NUP205: variants seen among roughly 807,000 people sequenced by gnomAD.
NUP205 encodes nucleoporin 205.
A neutral mutation model predicts 253.8 loss-of-function variants in NUP205; 76 were observed. That is an observed-to-expected ratio of 0.30 (90% CI 0.25 to 0.36). The LOEUF is 0.36. Among genes scored for constraint, NUP205 ranks in the 10% least tolerant of loss-of-function variants. The probability of loss-of-function intolerance (pLI) is 1.00; values close to 1 mark genes in which losing one functional copy is unlikely to be tolerated. For missense variants in NUP205, 2,162 were observed against 2,425.5 expected, an observed-to-expected ratio of 0.89 and a Z score of 2.28; for synonymous variants, 832 against 850.1, an observed-to-expected ratio of 0.98 and a Z score of 0.37.
intron 8 of NUP205, among the ~76,000 whole-genome samples, chr7:135,585,293 C>T (rs1226234754): frequency 6.6e-6 from 1 of 152,070 alleles, no homozygotes; most frequent in Non-Finnish European, 1.5e-5. Flanking sequence ...GTTCTATGTA[C>T]ACCTGAAGGG....
chr7:135,562,760 T>C (rs188236515), intron 1 of NUP205, among the ~76,000 whole-genome samples: 93 of 152,036 alleles, frequency 6.1e-4, no homozygotes, highest in Non-Finnish European at 9.6e-4. Flanking sequence ...TTGGCCAGGA[T>C]GGTCTTGATC....
In NUP205 at chr7:135,626,246, C is replaced by G. The variant is rs1438605441; in HGVS notation, c.4678C>G (p.Leu1560Val). 1.2e-6 allele frequency: 2 copies of G among 1,614,118 alleles called. No individual in the cohort carries two copies. Among genetic ancestry groups the G allele is most frequent in the Admixed American group, 3.3e-5 (2 of 60,010 alleles). Residue 1560 changes from leucine (L) to valine (V), a missense_variant, in exon 33 of 43, where the codon CTC (leucine) becomes GTC (valine). Around this residue, in one of 5 missense-constraint regions of NUP205, gnomAD observed 1,144 missense variants for 1,280.9 expected, o/e 0.89. Coordinates refer to ENST00000285968, the MANE Select transcript of NUP205 (RefSeq NM_015135.3). Reference protein sequence around the residue: ...LYTYESKMAFLTRVAKIQQGA... With the variant: ...LYTYESKMAFVTRVAKIQQGA... ...TTCTCTTGTAACTCCTCAGGCATTT[C>G]TCACAAGAGTGGCAAAGATACAGCA...
intron 5 of NUP205, 69 bp downstream of exon 5, chr7:135,577,197 A>G: frequency 7.0e-7 from 1 of 1,433,194 alleles, no homozygotes; most frequent in South Asian, 1.3e-5. Context: ...TGACAATTAG[A>G]ATGTTCATTT....
At chr7:135,585,040 A>G (rs1806419283) in intron 8 of NUP205, 33 bp downstream of exon 8, 2 of 1,157,572 alleles carry the variant, frequency 1.7e-6, no homozygotes, top group East Asian at 5.7e-5. Flanking sequence ...AGTAAATAGT[A>G]GAAGAATTTT....
Position 135,644,897 on chromosome 7 carries a change from G to A in NUP205, c.5562G>A (p.Leu1854=), listed in dbSNP as rs1794977817. ...AATACCACATTTGTTTCTTCTAGTTGTGTCAGTCTGTGATGCCTGCTGGTG... is the reference window on the plus strand; with the variant it reads ...AATACCACATTTGTTTCTTCTAGTTATGTCAGTCTGTGATGCCTGCTGGTG... ...EQLPPDEIKE[L]CQSVMPAGVD... is the part of the protein sequence containing the mutation. Residue 1854 remains leucine, a splice_region_variant and synonymous_variant, in exon 40 of 43, where the codon TTG becomes TTA. Transcript: ENST00000285968. The A allele has an allele frequency of 3.1e-6, 5 of 1,613,438 alleles. No individual in the cohort carries two copies. The highest frequency in any genetic ancestry group is 8.5e-7 in the Non-Finnish European group (1 of 1,179,792).
chr7:135,598,271 A>T, intron 15 of NUP205, 64 bp downstream of exon 15: 5 of 1,373,258 alleles, frequency 3.6e-6, no homozygotes, highest in Non-Finnish European at 4.1e-6. Context: ...TATCAAAAGT[A>T]TATGGTGCTA....
intron 35 of NUP205, among the ~76,000 whole-genome samples, chr7:135,634,950 G>A (rs973422687): frequency 9.2e-5 from 14 of 152,284 alleles, no homozygotes; most frequent in Admixed American, 9.2e-4. Context: ...AAATTTGAGT[G>A]GCTAGGATAG....
chr7:135,643,739 A>G (rs904372108), intron 39 of NUP205, among the ~76,000 whole-genome samples: 42 of 152,216 alleles, frequency 2.8e-4, no homozygotes, highest in Non-Finnish European at 5.0e-4. Context: ...TCTTTCAAAC[A>G]AATGGGATAG....
chr7:135,628,065 T>G lies in NUP205; in HGVS notation c.4886T>G (p.Val1629Gly). The G allele has an allele frequency of 1.2e-6, 2 of 1,610,776 alleles. No homozygotes were observed. The highest frequency in any genetic ancestry group is 1.7e-6 in the Non-Finnish European group (2 of 1,179,424). Residue 1629 changes from valine to glycine, a missense_variant, in exon 34 of 43, where the codon GTC becomes GGC. Around this residue, in one of 5 missense-constraint regions of NUP205, gnomAD observed 1,144 missense variants for 1,280.9 expected, o/e 0.89. Transcript: ENST00000285968. ...ILLPALQLCQ[V>G]ILTSSMAQHL... ...CTCCCAGCTCTCCAGCTGTGCCAGGTCATCCTCACATCTAGTATGGCCCAG... is the reference window on the plus strand; with the variant it reads ...CTCCCAGCTCTCCAGCTGTGCCAGGGCATCCTCACATCTAGTATGGCCCAG...
intron 3 of NUP205, among the ~76,000 whole-genome samples, chr7:135,574,958 A>G (rs1180685889): frequency 3.9e-5 from 6 of 152,222 alleles, no homozygotes; most frequent in African/African-American, 1.4e-4. Context: ...GATATTGAGA[A>G]TGAGGGGGAT....
chr7:135,558,389 C>T (rs573448500), intron 1 of NUP205, among the ~76,000 whole-genome samples: 1 of 152,302 alleles, frequency 6.6e-6, no homozygotes, highest in African/African-American at 2.4e-5. Flanking sequence ...GTCGGAGTTC[C>T]TTATAGGGTG....
intron 21 of NUP205, 103 bp from the exon 22 acceptor site, chr7:135,607,144 A>T (rs1794103247): frequency 7.2e-7 from 1 of 1,384,078 alleles, no homozygotes; most frequent in Non-Finnish European, 9.9e-7. Flanking sequence ...GAGTGTTTAC[A>T]GTACAGCATA....
intron 3 of NUP205, among the ~76,000 whole-genome samples, chr7:135,574,092 C>G (rs1010786999): frequency 6.6e-6 from 1 of 152,018 alleles, no homozygotes; most frequent in Admixed American, 6.6e-5. Flanking sequence ...CATGTCTCAG[C>G]CTCCCGAGTA....
chr7:135,568,475 G>A (rs1437986790), intron 1 of NUP205, among the ~76,000 whole-genome samples: 1 of 151,534 alleles, frequency 6.6e-6, no homozygotes, highest in Non-Finnish European at 1.5e-5. Context: ...GGGATTACAG[G>A]TGTGCGCCAC....
intron 24 of NUP205, among the ~76,000 whole-genome samples, chr7:135,616,442 G>C (rs932246825): frequency 6.6e-6 from 1 of 152,042 alleles, no homozygotes; most frequent in Non-Finnish European, 1.5e-5. Flanking sequence ...CTTTACAATT[G>C]TGCAGTGGAT....
intron 27 of NUP205, 98 bp from the exon 28 acceptor site, chr7:135,618,314 C>A: frequency 1.1e-6 from 1 of 933,360 alleles, no homozygotes; most frequent in Non-Finnish European, 1.7e-6. Flanking sequence ...TCCTGGCATG[C>A]ATGTAGTAGG....
rs536460105 is a variant in NUP205 at position 135,607,005 on chromosome 7, C to T, written c.3070+90C>T. On this transcript the variant is annotated intron_variant, in intron 21 of 42. Coordinates refer to ENST00000285968, the MANE Select transcript of NUP205 (RefSeq NM_015135.3). ...TGCATTCTGGGCTCATGGGATAATT[C>T]ATTGAAAGAAAAAGTGTAAGAAAGG... 6.5e-5 allele frequency: 87 copies of T among 1,345,902 alleles called. 1 individual carries two copies. The South Asian group carries it at 8.7e-4, about 13-fold the overall frequency. 83.4% of individuals were successfully genotyped at this position (1,345,902 alleles called of 1,614,324 possible).
At chr7:135,592,174 G>A (rs1806646342) in intron 11 of NUP205, among the ~76,000 whole-genome samples, 1 of 152,166 alleles carries the variant, frequency 6.6e-6, no homozygotes, top group South Asian at 2.1e-4. Flanking sequence ...AGCTGAAATC[G>A]GCTTGGCTCC....
At chr7:135,591,934 A>AT (rs1383853621) in intron 11 of NUP205, among the ~76,000 whole-genome samples, 274 of 151,566 alleles carry the variant, frequency 1.8e-3, no homozygotes, top group African/African-American at 5.2e-3. Flanking sequence ...TTATCTTCGT[A>AT]TTTTTTTTTC....
Sources: gnomAD v4.1 joint callset for allele counts (sites outside exome capture counted in the v4.1 genomes callset) on GRCh38, gnomAD v4.1.1 for gene constraint, gnomAD v4.1.1 regional missense constraint, MANE v1.5 for transcripts, NCBI Gene and HGNC (gene_info 2026-07-23, HGNC 2026-07-21) for gene names.